Variants in SPOCK1 observed in about 807,000 individuals in gnomAD.
The protein encoded by SPOCK1 is SPARC (osteonectin), cwcv and kazal like domains proteoglycan 1.
SPOCK1 carries 23 observed loss-of-function variants against 55.3 expected under a neutral mutation model. The observed-to-expected ratio is 0.42, with a 90% CI of 0.30 to 0.59. The LOEUF is 0.59. Among genes scored for constraint, SPOCK1 ranks in the 20% least tolerant of loss-of-function variants. The pLI is 0.22. For missense variants in SPOCK1, 499 were observed against 552.5 expected, an observed-to-expected ratio of 0.90 and a Z score of 0.97; for synonymous variants, 226 against 221.0, an observed-to-expected ratio of 1.02 and a Z score of -0.20.
chr5:137,080,414 T>A (rs1752861758), intron 5 of SPOCK1, among the ~76,000 whole-genome samples: 1 of 152,202 alleles, frequency 6.6e-6, no homozygotes, highest in African/African-American at 2.4e-5. Context: ...GTCTTCTCTG[T>A]CAGTTCATGG....
intron 3 of SPOCK1, among the ~76,000 whole-genome samples, chr5:137,150,702 T>A (rs774727427): frequency 1.1e-4 from 16 of 152,150 alleles, no homozygotes; most frequent in Middle Eastern, 3.4e-3. Context: ...GTGTATAAGG[T>A]TGGGGCTTTC....
chr5:137,179,592 C>G (rs1174268433), intron 3 of SPOCK1, among the ~76,000 whole-genome samples: 1 of 152,102 alleles, frequency 6.6e-6, no homozygotes, highest in Non-Finnish European at 1.5e-5. Context: ...AAAAATTCCC[C>G]CCGGTAGCAG....
intron 4 of SPOCK1, among the ~76,000 whole-genome samples, chr5:137,117,728 A>G (rs1046655400): frequency 1.8e-4 from 27 of 152,076 alleles, no homozygotes; most frequent in Admixed American, 1.6e-3. Flanking sequence ...AAAAAAAAAA[A>G]CCATTTAGCA....
intron 2 of SPOCK1, among the ~76,000 whole-genome samples, chr5:137,421,388 A>C (rs996496894): frequency 4.6e-5 from 7 of 152,310 alleles, no homozygotes; most frequent in Non-Finnish European, 8.8e-5. Context: ...TCTAATGTTG[A>C]CAGTGGGGTG....
At chr5:137,030,718 A>G (rs1751762743) in intron 6 of SPOCK1, among the ~76,000 whole-genome samples, 1 of 152,228 alleles carries the variant, frequency 6.6e-6, no homozygotes, top group African/African-American at 2.4e-5. Context: ...AAAGTTATCT[A>G]TACTTTTGAT....
In SPOCK1 at chr5:137,033,057, G is replaced by A. The variant is rs1198479544; in HGVS notation, c.589+34658C>T. 1.1e-4 allele frequency among the ~76,000 whole-genome samples: 17 copies of A among 152,216 alleles called. 1 individual carries two copies. The highest frequency in any genetic ancestry group is 1.0e-3 in the Admixed American group (16 of 15,288). ...TGGGCAGAGAGGCAGGTCTAGGTCT[G>A]GACTTGGCAGGGCTGCTTCAGGGTC... On this transcript the variant is annotated intron_variant, in intron 6 of 10. Transcript: ENST00000394945.
intron 2 of SPOCK1, among the ~76,000 whole-genome samples, chr5:137,385,266 C>G (rs1751574792): frequency 6.6e-6 from 1 of 152,058 alleles, no homozygotes. Flanking sequence ...GTGTGTGGTA[C>G]ATATAAAGGT....
intron 2 of SPOCK1, among the ~76,000 whole-genome samples, chr5:137,454,723 T>G (rs1753327460): frequency 6.6e-6 from 1 of 152,202 alleles, no homozygotes; most frequent in African/African-American, 2.4e-5. Flanking sequence ...TTCCCTTAAT[T>G]TTGTTTTGGC....
intron 2 of SPOCK1, among the ~76,000 whole-genome samples, chr5:137,373,647 A>G (rs1303462184): frequency 6.6e-6 from 1 of 152,176 alleles, no homozygotes; most frequent in Admixed American, 6.5e-5. Flanking sequence ...GGCACATCCC[A>G]TGTGTACTCG....
intron 2 of SPOCK1, among the ~76,000 whole-genome samples, chr5:137,384,543 T>C (rs1751556928): frequency 6.7e-6 from 1 of 149,580 alleles, no homozygotes; most frequent in African/African-American, 2.6e-5. Context: ...TATGTATATA[T>C]ACACACATAT....
At chr5:137,377,381 G>GC (rs1342420068) in intron 2 of SPOCK1, among the ~76,000 whole-genome samples, 2 of 152,140 alleles carry the variant, frequency 1.3e-5, no homozygotes, top group Non-Finnish European at 2.9e-5. Flanking sequence ...GCTGGAAGCT[G>GC]CAGAGCCTTC....
At chr5:137,149,546 G>GA (rs1019793155) in intron 3 of SPOCK1, among the ~76,000 whole-genome samples, 8 of 152,158 alleles carry the variant, frequency 5.3e-5, no homozygotes, top group South Asian at 2.1e-4. Context: ...ATATTTCCTG[G>GA]AAAAAAGTGT....
At chr5:137,276,236 A>G (rs145051140) in intron 2 of SPOCK1, among the ~76,000 whole-genome samples, 10 of 152,236 alleles carry the variant, frequency 6.6e-5, no homozygotes, top group African/African-American at 2.4e-4. Context: ...TCGTTCCCCA[A>G]AACTCTGTCC....
intron 2 of SPOCK1, among the ~76,000 whole-genome samples, chr5:137,431,627 G>C (rs1278836176): frequency 1.3e-5 from 2 of 152,220 alleles, no homozygotes; most frequent in African/African-American, 4.8e-5. Context: ...GAGGTAGTGA[G>C]TGAGTTCTTC....
intron 3 of SPOCK1, among the ~76,000 whole-genome samples, chr5:137,142,671 G>A (rs1374995489): frequency 2.0e-5 from 3 of 152,240 alleles, no homozygotes; most frequent in Non-Finnish European, 4.4e-5. Flanking sequence ...GAGCTCTTAA[G>A]CTGAAGGCAA....
chr5:137,356,838 T>TAGAG (rs1177060339), intron 2 of SPOCK1, among the ~76,000 whole-genome samples: 72 of 5,446 alleles, frequency 0.013, 2 homozygotes, highest in South Asian at 0.026. Flanking sequence ...TATATATATA[T>TAGAG]AGAGAGAGAG....
intron 6 of SPOCK1, among the ~76,000 whole-genome samples, chr5:137,058,131 T>C (rs1342845541): frequency 6.6e-6 from 1 of 152,208 alleles, no homozygotes; most frequent in Non-Finnish European, 1.5e-5. Context: ...AGTGTGCGGA[T>C]GGACACGTGT....
chr5:137,089,199 T>C (rs925393303), intron 5 of SPOCK1, among the ~76,000 whole-genome samples: 1 of 152,226 alleles, frequency 6.6e-6, no homozygotes, highest in Admixed American at 6.5e-5. Flanking sequence ...TCCCTGCTCA[T>C]GAGTGTCAAA....
intron 9 of SPOCK1, among the ~76,000 whole-genome samples, chr5:136,980,951 G>T (rs745389361): frequency 6.6e-6 from 1 of 151,946 alleles, no homozygotes; most frequent in Non-Finnish European, 1.5e-5. Context: ...TTTTGGTTTT[G>T]ATTTACCTGG....
Sources: allele counts gnomAD v4.1 joint callset (sites outside exome capture counted in the v4.1 genomes callset), GRCh38; gene constraint gnomAD v4.1.1; transcripts MANE v1.5; gene names NCBI Gene and HGNC (gene_info 2026-07-23, HGNC 2026-07-21).